Variants in ZEB1 observed in about 807,000 individuals in gnomAD.
ZEB1 encodes zinc finger E-box binding homeobox 1, also known as zinc finger E-box-binding homeobox 1.
A neutral mutation model predicts 84.9 loss-of-function variants in ZEB1; 21 were observed. The observed-to-expected ratio is 0.25, with a 90% CI of 0.18 to 0.36. The LOEUF (loss-of-function observed/expected upper bound fraction) is 0.36, where lower values mean the gene tolerates loss of function less well. Among genes scored for constraint, ZEB1 ranks in the 10% least tolerant of loss-of-function variants. The pLI, the probability that ZEB1 is intolerant of heterozygous loss-of-function variation, is 1.00. For synonymous variants in ZEB1, 420 were observed against 471.1 expected (o/e 0.89, Z 1.41); for missense variants, 1,104 against 1,330.2 (o/e 0.83, Z 2.65).
At chr10:31,410,798 T>C (rs1366526333) in intron 1 of ZEB1, among the ~76,000 whole-genome samples, 1 of 152,126 alleles carries the variant, frequency 6.6e-6, no homozygotes, top group Non-Finnish European at 1.5e-5. Context: ...TGCATAGAGG[T>C]GTTTATAGTA....
chr10:31,382,006 CAAAAAA>C (rs535534850), intron 1 of ZEB1, among the ~76,000 whole-genome samples: 1,823 of 40,604 alleles, frequency 0.045, 25 homozygotes, highest in African/African-American at 0.078. Context: ...GAGACTGTCT[CAAAAAA>C]AAAAAAAAAA....
chr10:31,333,610 CAA>C (rs2037295407), intron 1 of ZEB1, among the ~76,000 whole-genome samples: 1 of 151,100 alleles, frequency 6.6e-6, no homozygotes, highest in African/African-American at 2.4e-5. Context: ...GAACAAGAAA[CAA>C]TATTCAATCT....
chr10:31,450,013 C>G (rs1246579727), intron 1 of ZEB1, among the ~76,000 whole-genome samples: 1 of 152,142 alleles, frequency 6.6e-6, no homozygotes, highest in Non-Finnish European at 1.5e-5. Context: ...TGATTTGAGC[C>G]AGGCAGTTAG....
Position 31,502,409 on chromosome 10 carries a change from A to G in ZEB1, c.384A>G (p.Glu128=), listed in dbSNP as rs2139246781. The G allele has an allele frequency of 1.2e-6, 2 of 1,613,938 alleles. No individual in the cohort carries two copies. Among genetic ancestry groups the G allele is most frequent in the South Asian group, 1.1e-5 (1 of 91,070 alleles). The change falls in exon 4 of 9, where the codon GAA becomes GAG. Residue 128 remains glutamate, a synonymous_variant. Coordinates refer to ENST00000424869, the MANE Select transcript of ZEB1 (RefSeq NM_001174096.2). ...ENEQNHDPNV[E]EFLQQQDTAV... is the part of the protein sequence containing the mutation. ...AGCAAAACCATGATCCTAATGTTGAAGAGTTTCTACAACAACAAGACACTG... is the reference window on the plus strand; with the variant it reads ...AGCAAAACCATGATCCTAATGTTGAGGAGTTTCTACAACAACAAGACACTG...
chr10:31,335,230 T>C (rs1390307681), intron 1 of ZEB1, among the ~76,000 whole-genome samples: 1 of 152,112 alleles, frequency 6.6e-6, no homozygotes, highest in Non-Finnish European at 1.5e-5. Context: ...GGATCCTCCC[T>C]TTGTCCAGCA....
At chr10:31,469,329 C>A (rs220048) in intron 2 of ZEB1, among the ~76,000 whole-genome samples, 1 of 147,230 alleles carries the variant, frequency 6.8e-6, no homozygotes, top group Non-Finnish European at 1.5e-5. Flanking sequence ...GAGTGCCAGA[C>A]AGTGGGCACA....
At chr10:31,320,886 G>A (rs1278449769) in intron 1 of ZEB1, among the ~76,000 whole-genome samples, 1 of 152,156 alleles carries the variant, frequency 6.6e-6, no homozygotes, top group African/African-American at 2.4e-5. Context: ...CCCGGTACCT[G>A]TTTGTATAAT....
chr10:31,484,188 T>C (rs2065433760), intron 2 of ZEB1, among the ~76,000 whole-genome samples: 3 of 152,010 alleles, frequency 2.0e-5, no homozygotes, highest in Admixed American at 2.0e-4. Context: ...TCTCCCCACC[T>C]TGAGGTCCAT....
At chr10:31,410,220 G>A (rs924175294) in intron 1 of ZEB1, among the ~76,000 whole-genome samples, 1 of 151,886 alleles carries the variant, frequency 6.6e-6, no homozygotes, top group Admixed American at 6.6e-5. Context: ...TGGCATGAAC[G>A]GGTGTTGAAT....
intron 2 of ZEB1, among the ~76,000 whole-genome samples, chr10:31,484,095 A>G (rs2065418229): frequency 6.6e-6 from 1 of 151,978 alleles, no homozygotes; most frequent in African/African-American, 2.4e-5. Flanking sequence ...AGTTTGTTTC[A>G]TATCGTATCT....
intron 1 of ZEB1, among the ~76,000 whole-genome samples, chr10:31,349,492 C>T (rs562915462): frequency 6.6e-6 from 1 of 152,152 alleles, no homozygotes; most frequent in Non-Finnish European, 1.5e-5. Context: ...TGAGGACCCT[C>T]CATACTGTTT....
At chr10:31,348,616 A>G (rs1428182502) in intron 1 of ZEB1, among the ~76,000 whole-genome samples, 1 of 152,116 alleles carries the variant, frequency 6.6e-6, no homozygotes, top group African/African-American at 2.4e-5. Flanking sequence ...TATGTCAGAT[A>G]GACACTCCTC....
chr10:31,410,177 C>T (rs1175213677), intron 1 of ZEB1, among the ~76,000 whole-genome samples: 2 of 152,148 alleles, frequency 1.3e-5, no homozygotes, highest in East Asian at 3.8e-4. Flanking sequence ...TTTTGAGTTA[C>T]GTTCCATCAA....
chr10:31,434,063 T>C (rs555991530), intron 1 of ZEB1, among the ~76,000 whole-genome samples: 1 of 152,318 alleles, frequency 6.6e-6, no homozygotes, highest in South Asian at 2.1e-4. Flanking sequence ...AAAATAAAAG[T>C]AGGAAAGCAA....
chr10:31,378,236 T>G (rs544988189), intron 1 of ZEB1, among the ~76,000 whole-genome samples: 1 of 151,722 alleles, frequency 6.6e-6, no homozygotes, highest in South Asian at 2.1e-4. Context: ...CAGTTGTTTA[T>G]TAGTGTCGTG....
intron 1 of ZEB1, among the ~76,000 whole-genome samples, chr10:31,360,718 G>T (rs373356940): frequency 6.6e-6 from 1 of 152,278 alleles, no homozygotes; most frequent in South Asian, 2.1e-4. Context: ...GTCTAATCAC[G>T]TTGAAATATT....
chr10:31,382,006 C>CAAAA (rs535534850), intron 1 of ZEB1, among the ~76,000 whole-genome samples: 16 of 40,776 alleles, frequency 3.9e-4, no homozygotes, highest in African/African-American at 4.9e-4. Flanking sequence ...GAGACTGTCT[C>CAAAA]AAAAAAAAAA....
At chr10:31,342,571 C>T (rs2039591766) in intron 1 of ZEB1, among the ~76,000 whole-genome samples, 1 of 151,946 alleles carries the variant, frequency 6.6e-6, no homozygotes, top group Non-Finnish European at 1.5e-5. Context: ...GTTGAAGGCT[C>T]CTAAGGTTAT....
At chr10:31,433,585 A>G (rs2057971757) in intron 1 of ZEB1, among the ~76,000 whole-genome samples, 2 of 152,262 alleles carry the variant, frequency 1.3e-5, no homozygotes, top group Non-Finnish European at 2.9e-5. Context: ...GTGATTTTCC[A>G]TAAGACATCT....
Sources: allele counts gnomAD v4.1 joint callset (sites outside exome capture counted in the v4.1 genomes callset), GRCh38; gene constraint gnomAD v4.1.1; transcripts MANE v1.5; gene names NCBI Gene and HGNC (gene_info 2026-07-23, HGNC 2026-07-21).